Variants in BBS4 observed in about 807,000 individuals in gnomAD.
BBS4 encodes Bardet-Biedl syndrome 4.
Under a neutral mutation model 71.4 loss-of-function variants are expected in BBS4, and 58 were observed. The ratio of observed to expected loss-of-function variants is 0.81; its 90% CI spans 0.66 to 1.01. The LOEUF (loss-of-function observed/expected upper bound fraction) is 1.01, where lower values mean the gene tolerates loss of function less well. Among genes scored for constraint, BBS4 ranks in the 50% least tolerant of loss-of-function variants. The pLI, the probability that BBS4 is intolerant of heterozygous loss-of-function variation, is 0.00. For missense variants in BBS4, 660 were observed against 607.9 expected (o/e 1.09, Z -0.90); for synonymous variants, 228 against 216.8 (o/e 1.05, Z -0.46).
chr15:72,730,103 C>T (rs551237048), intron 10 of BBS4, among the ~76,000 whole-genome samples: 13 of 150,224 alleles, frequency 8.7e-5, no homozygotes, highest in Admixed American at 8.0e-4. Context: ...AGTGAAACCC[C>T]GTCTCTACTA....
intron 2 of BBS4, among the ~76,000 whole-genome samples, chr15:72,700,860 A>G (rs2065157677): frequency 6.6e-6 from 1 of 152,180 alleles, no homozygotes; most frequent in African/African-American, 2.4e-5. Flanking sequence ...CTTACCCCAG[A>G]CTGAGTTGTG....
At chr15:72,724,698 A>G (rs1409529634) in intron 8 of BBS4, 43 bp downstream of exon 8, 1 of 1,609,968 alleles carries the variant, frequency 6.2e-7, no homozygotes, top group Non-Finnish European at 8.5e-7. Flanking sequence ...AAACTAAAAA[A>G]ATTGAGTGGA....
At chr15:72,728,187 T>A (rs2065739493) in intron 9 of BBS4, among the ~76,000 whole-genome samples, 193 bp downstream of exon 9, 1 of 152,158 alleles carries the variant, frequency 6.6e-6, no homozygotes, top group African/African-American at 2.4e-5. Context: ...GCAATTCTAT[T>A]TTAGCCTAGT....
chr15:72,695,664 T>A (rs535726079), intron 2 of BBS4, among the ~76,000 whole-genome samples: 21 of 152,372 alleles, frequency 1.4e-4, no homozygotes, highest in African/African-American at 4.6e-4. Context: ...AGTAATAGTC[T>A]AAATGTTCTG....
At position 72,719,077 on chromosome 15, in the gene BBS4, CTGTT is replaced by C. The variant is rs138098740; in HGVS notation, c.405+2230_405+2233del. Among the ~76,000 whole-genome samples, 1,263 of 151,422 alleles carry C rather than the reference CTGTT, an allele frequency of 8.3e-3. 13 individuals are homozygous for C. Among genetic ancestry groups the C allele is most frequent in the African/African-American group, 0.029 (1,191 of 41,224 alleles). On this transcript the variant is annotated intron_variant, in intron 6 of 15. Coordinates refer to ENST00000268057, the MANE Select transcript of BBS4 (RefSeq NM_033028.5). ...AAAGAGTTTTTTACTTTTTTTTTGT[CTGTT>C]TGAGACGGCACAGGAAAAGTTACTG...
At position 72,735,896 on chromosome 15, in the gene BBS4, C is replaced by T. The variant is rs17852452; in HGVS notation, c.1178C>T (p.Ala393Val). The change falls in exon 14 of 16, where the codon GCC (alanine) becomes GTC (valine). Residue 393 changes from alanine to valine, a missense_variant. Physicochemically the swap from Ala to Val is moderately conservative, Grantham distance 64. Transcript: ENST00000268057. ...CAGGGCGAGAAGAAGAACGCCCTGG[C>T]CCAATATCAGGAGATGGAGAAGAAA... ...YNQGEKKNAL[A>V]QYQEMEKKVS... 3.7e-6 allele frequency: 6 copies of T among 1,613,896 alleles called. No homozygotes were observed. The highest frequency in any genetic ancestry group is 5.1e-6 in the Non-Finnish European group (6 of 1,179,926).
intron 6 of BBS4, among the ~76,000 whole-genome samples, chr15:72,718,360 A>T (rs575905995): frequency 3.3e-5 from 5 of 152,200 alleles, no homozygotes; most frequent in African/African-American, 1.2e-4. Context: ...TCTCAGAATT[A>T]TCTTTTTCTT....
chr15:72,729,536 CA>C (rs2065770361), intron 9 of BBS4, 79 bp from the exon 10 acceptor site: 5 of 1,340,136 alleles, frequency 3.7e-6, no homozygotes, highest in Non-Finnish European at 5.4e-6. Flanking sequence ...AGGCATTAGC[CA>C]CCACGCCTGG....
At position 72,686,655 on chromosome 15, in the gene BBS4, G is replaced by T. The variant is rs10467946; in HGVS notation, c.24+404G>T. ...GAAGCTTGCAGCGTCACTGCCTTCT[G>T]CCAGTGGAGCGGGACTGTGTTTTTT... On this transcript the variant is annotated intron_variant, in intron 1 of 15. Coordinates refer to ENST00000268057, the MANE Select transcript of BBS4 (RefSeq NM_033028.5). The T allele has an allele frequency of 0.011, 11,056 of 999,132 alleles. 710 individuals are homozygous for T. In the African/African-American group the frequency reaches 0.15, roughly 13 times the overall value. 61.9% of individuals were successfully genotyped at this position (999,132 alleles called of 1,614,324 possible).
At chr15:72,716,732 T>C in intron 5 of BBS4, 46 bp from the exon 6 acceptor site, 1 of 1,383,762 alleles carries the variant, frequency 7.2e-7, no homozygotes, top group Non-Finnish European at 1.0e-6. Context: ...GGGTTAGTCT[T>C]CTAAGAATTT....
At chr15:72,702,685 CTT>C (rs1192971586) in intron 2 of BBS4, among the ~76,000 whole-genome samples, 1 of 151,938 alleles carries the variant, frequency 6.6e-6, no homozygotes, top group East Asian at 1.9e-4. Flanking sequence ...CTTCCTCTTC[CTT>C]CATCATCATT....
intron 6 of BBS4, among the ~76,000 whole-genome samples, chr15:72,718,362 C>A (rs1271533471): frequency 6.6e-6 from 1 of 151,946 alleles, no homozygotes; most frequent in Non-Finnish European, 1.5e-5. Flanking sequence ...TCAGAATTAT[C>A]TTTTTCTTCC....
chr15:72,696,217 C>T (rs954414933), intron 2 of BBS4, among the ~76,000 whole-genome samples: 3 of 151,952 alleles, frequency 2.0e-5, no homozygotes, highest in African/African-American at 7.3e-5. Flanking sequence ...TAAATTGACC[C>T]GTTTGTCTTT....
At chr15:72,726,310 C>A (rs2065700909) in intron 8 of BBS4, among the ~76,000 whole-genome samples, 1 of 152,008 alleles carries the variant, frequency 6.6e-6, no homozygotes, top group South Asian at 2.1e-4. Context: ...CAGGGTTTCA[C>A]CATGTTGGTC....
At chr15:72,735,016 T>G in intron 12 of BBS4, 97 bp from the exon 13 acceptor site, 21 of 848,272 alleles carry the variant, frequency 2.5e-5, no homozygotes, top group Non-Finnish European at 3.6e-5. Flanking sequence ...TCTGGTGCCA[T>G]GAGCTGACAG....
In BBS4 at chr15:72,737,493, C is replaced by G; in HGVS notation, c.1466C>G (p.Ser489Cys). The G allele has an allele frequency of 6.2e-7, 1 of 1,612,506 alleles. No individual in the cohort carries two copies. ...RTLPSGAGGT[S>C]QFTKPPSLPL... ...TTGTTACTAGGTGCTGGAGGAACAT[C>G]CCAGTTCACAAAGCCCCCATCTCTT... The change falls in exon 16 of 16, where the codon TCC (serine) becomes TGC (cysteine). Residue 489 changes from serine (S) to cysteine (C), a missense_variant. Ser to Cys is a moderately radical substitution (Grantham distance 112, BLOSUM62 -1). Coordinates refer to ENST00000268057, the MANE Select transcript of BBS4 (RefSeq NM_033028.5).
intron 15 of BBS4, 58 bp downstream of exon 15, chr15:72,737,021 A>G: frequency 6.4e-7 from 1 of 1,565,532 alleles, no homozygotes; most frequent in Non-Finnish European, 8.8e-7. Flanking sequence ...TGTGTCTGTC[A>G]GCAGAGATTA....
At position 72,738,330 on chromosome 15, in the gene BBS4, TAGTC is replaced by T. The variant is rs753067534; in HGVS notation, c.*747_*750del. The T allele has an allele frequency of 7.0e-5, 32 of 454,106 alleles. No individual in the cohort carries two copies. Among genetic ancestry groups the T allele is most frequent in the African/African-American group, 2.4e-4 (12 of 50,138 alleles). The allele number at this position is 454,106 out of a possible 1,614,324, so 28.1% of individuals were successfully genotyped here. On this transcript the variant is annotated 3_prime_UTR_variant, in exon 16 of 16. Transcript: ENST00000268057. ...TTAGATGAGTAATTGTTATTGAAGA[TAGTC>T]AGTGATAACCACTGACCAGATGCTA...
intron 12 of BBS4, among the ~76,000 whole-genome samples, chr15:72,733,144 A>T (rs148569467): frequency 3.4e-4 from 52 of 152,278 alleles, no homozygotes; most frequent in African/African-American, 1.2e-3. Context: ...AAGGCCCCAG[A>T]TGTCAAAACA....
Sources: allele counts gnomAD v4.1 joint callset (sites outside exome capture counted in the v4.1 genomes callset), GRCh38; gene constraint gnomAD v4.1.1; transcripts MANE v1.5; gene names NCBI Gene and HGNC (gene_info 2026-07-23, HGNC 2026-07-21).